The following MAGI2 variants were observed in gnomAD, a reference collection of about 807,000 sequenced individuals.
The protein encoded by MAGI2 is membrane-associated guanylate kinase, WW and PDZ domain-containing protein 2.
MAGI2 carries 35 observed loss-of-function variants against 133.3 expected under a neutral mutation model. That is an observed-to-expected ratio of 0.26 (90% CI 0.20 to 0.35). The LOEUF is 0.35. Among genes scored for constraint, MAGI2 ranks in the 10% least tolerant of loss-of-function variants. The pLI, the probability that MAGI2 is intolerant of heterozygous loss-of-function variation, is 1.00. For missense variants in MAGI2, 1,636 were observed against 1,863.4 expected (o/e 0.88, Z 2.25); for synonymous variants, 729 against 710.6 (o/e 1.03, Z -0.41).
chr7:79,001,357 A>G (rs1157233758), intron 2 of MAGI2, among the ~76,000 whole-genome samples: 7 of 152,230 alleles, frequency 4.6e-5, no homozygotes, highest in Non-Finnish European at 8.8e-5. Flanking sequence ...ATGACAAAGA[A>G]CAGTCTTGGG....
At chr7:78,848,292 T>C (rs1792803523) in intron 2 of MAGI2, among the ~76,000 whole-genome samples, 1 of 151,854 alleles carries the variant, frequency 6.6e-6, no homozygotes, top group Admixed American at 6.6e-5. Flanking sequence ...GCATCCTTGA[T>C]TCTCCTCATT....
At chr7:78,188,250 G>A (rs1021497094) in intron 12 of MAGI2, among the ~76,000 whole-genome samples, 1 of 152,090 alleles carries the variant, frequency 6.6e-6, no homozygotes, top group African/African-American at 2.4e-5. Context: ...TTTAAAATTA[G>A]ATTTCCAAAT....
intron 4 of MAGI2, among the ~76,000 whole-genome samples, chr7:78,515,352 A>G (rs565278166): frequency 6.6e-6 from 1 of 152,276 alleles, no homozygotes; most frequent in South Asian, 2.1e-4. Flanking sequence ...GCACTTCTGT[A>G]TACTTTTTTT....
At chr7:78,386,966 G>T (rs976940403) in intron 6 of MAGI2, among the ~76,000 whole-genome samples, 3 of 152,278 alleles carry the variant, frequency 2.0e-5, no homozygotes, top group African/African-American at 7.2e-5. Context: ...TTGGGTCAAG[G>T]TGTTAGGCTA....
chr7:78,346,068 G>T, intron 7 of MAGI2, 25 bp from the exon 8 acceptor site: 1 of 1,613,310 alleles, frequency 6.2e-7, no homozygotes, highest in South Asian at 1.1e-5. Context: ...TTCAGATTAG[G>T]ATAACCGTGG....
Position 78,127,548 on chromosome 7 carries a change from T to C in MAGI2, c.3204-132A>G, listed in dbSNP as rs2074643. 0.14 allele frequency: 89,621 copies of C among 642,320 alleles called. 7,348 individuals carry two copies. Among genetic ancestry groups the C allele is most frequent in the Non-Finnish European group, 0.18 (65,756 of 370,470 alleles). 39.8% of individuals were successfully genotyped at this position (642,320 alleles called of 1,614,324 possible). ...CACTCCTCTCGGTGGTCCTGTTGGA[T>C]GCTCAGGATTATGAGAAGGTTAAAT... On this transcript the variant is annotated intron_variant, in intron 18 of 21. Transcript: ENST00000354212.
chr7:78,402,263 G>A lies in MAGI2; in HGVS notation c.1046-33050C>T, dbSNP rs368756717. Among the ~76,000 whole-genome samples the A allele has an allele frequency of 1.3e-4, 19 of 151,220 alleles. 1 individual carries two copies. In the East Asian group the frequency reaches 2.7e-3, roughly 22 times the overall value. ...GTCTGCCTACCTGGGGGGTGTGTGC[G>A]TGTGTGTCCACCTGGGATGTGTATG... is the stretch of plus-strand genomic sequence containing the variant. On this transcript the variant is annotated intron_variant, in intron 6 of 21. Coordinates refer to ENST00000354212, the MANE Select transcript of MAGI2 (RefSeq NM_012301.4).
At chr7:79,289,863 C>T (rs188512186) in intron 1 of MAGI2, among the ~76,000 whole-genome samples, 1 of 151,482 alleles carries the variant, frequency 6.6e-6, no homozygotes. Flanking sequence ...TAATATCTGT[C>T]TTAGAATTGT....
intron 6 of MAGI2, among the ~76,000 whole-genome samples, chr7:78,407,728 A>C (rs1396264141): frequency 1.3e-5 from 2 of 151,710 alleles, no homozygotes; most frequent in Non-Finnish European, 2.9e-5. Flanking sequence ...AGGGATTTGC[A>C]TATTGACAAA....
At chr7:79,030,782 A>G (rs1030721904) in intron 1 of MAGI2, among the ~76,000 whole-genome samples, 1 of 152,202 alleles carries the variant, frequency 6.6e-6, no homozygotes, top group Non-Finnish European at 1.5e-5. Context: ...TCTTGGGATT[A>G]GAGTTCCCAA....
chr7:78,195,933 G>A lies in MAGI2; in HGVS notation c.2080-870C>T, dbSNP rs569365440. 9.2e-5 allele frequency among the ~76,000 whole-genome samples: 14 copies of A among 152,260 alleles called. No individual in the cohort carries two copies. The South Asian group carries it at 1.7e-3, about 18-fold the overall frequency. ...TTCCTGCTTTGAATTGACCGGCAGC[G>A]TATGTAAGATTTAGACTAGTTTGCC... On this transcript the variant is annotated intron_variant, in intron 11 of 21. Transcript: ENST00000354212.
intron 1 of MAGI2, among the ~76,000 whole-genome samples, chr7:79,286,296 C>T (rs1835993223): frequency 6.6e-6 from 1 of 151,986 alleles, no homozygotes; most frequent in Non-Finnish European, 1.5e-5. Flanking sequence ...TCATCTGATC[C>T]TCACAACCAA....
chr7:79,138,977 A>C (rs1286247081), intron 1 of MAGI2, among the ~76,000 whole-genome samples: 1 of 10,372 alleles, frequency 9.6e-5, no homozygotes, highest in African/African-American at 1.8e-4. Flanking sequence ...CTCTTGTCTC[A>C]AAAAAAAAAA....
chr7:78,063,550 AT>A (rs1813504862), intron 21 of MAGI2, among the ~76,000 whole-genome samples: 1 of 152,058 alleles, frequency 6.6e-6, no homozygotes, highest in Admixed American at 6.6e-5. Flanking sequence ...CCAGAAGGCT[AT>A]TTTTTAAAGG....
intron 1 of MAGI2, among the ~76,000 whole-genome samples, chr7:79,186,973 C>G (rs2129550827): frequency 6.6e-6 from 1 of 151,010 alleles, no homozygotes; most frequent in Admixed American, 6.6e-5. Context: ...TTTAAGGAAG[C>G]AGTAATTTTT....
intron 9 of MAGI2, among the ~76,000 whole-genome samples, chr7:78,308,018 G>T (rs543159374): frequency 6.6e-6 from 1 of 152,174 alleles, no homozygotes; most frequent in Non-Finnish European, 1.5e-5. Flanking sequence ...TTAAATTCCA[G>T]TTAGGTCATT....
At chr7:78,620,245 C>T (rs922620044) in intron 3 of MAGI2, among the ~76,000 whole-genome samples, 2 of 151,776 alleles carry the variant, frequency 1.3e-5, no homozygotes, top group African/African-American at 4.8e-5. Context: ...ATCTGTGGTG[C>T]CAATAATGAT....
intron 6 of MAGI2, among the ~76,000 whole-genome samples, chr7:78,472,276 G>A (rs1791289374): frequency 6.6e-6 from 1 of 152,014 alleles, no homozygotes; most frequent in South Asian, 2.1e-4. Flanking sequence ...TTAAAAAATA[G>A]TCATTTCTTT....
chr7:79,153,712 C>T (rs1250541199), intron 1 of MAGI2, among the ~76,000 whole-genome samples: 1 of 152,168 alleles, frequency 6.6e-6, no homozygotes, highest in Admixed American at 6.5e-5. Flanking sequence ...GTTTTTATCA[C>T]AAGAGTTACA....
Sources: gnomAD v4.1 joint callset for allele counts (sites outside exome capture counted in the v4.1 genomes callset) on GRCh38, gnomAD v4.1.1 for gene constraint, MANE v1.5 for transcripts, NCBI Gene and HGNC (gene_info 2026-07-23, HGNC 2026-07-21) for gene names.